The following TOP3B variants were observed in gnomAD, a reference collection of about 807,000 sequenced individuals.
TOP3B encodes DNA topoisomerase 3-beta-1.
In TOP3B, 45 loss-of-function variants were observed where a neutral mutation model predicts 93.9. The ratio of observed to expected loss-of-function variants is 0.48; its 90% confidence interval spans 0.38 to 0.61. The LOEUF is 0.61. TOP3B is among the 20% of genes least tolerant of loss of function. The pLI is 0.00. For synonymous variants in TOP3B, 357 were observed against 472.6 expected (o/e 0.76, Z 3.17); for missense variants, 750 against 1,156.1 (o/e 0.65, Z 5.09).
intron 1 of TOP3B, among the ~76,000 whole-genome samples, chr22:21,979,873 G>A (rs1295310469): frequency 4.0e-5 from 6 of 150,162 alleles, no homozygotes; most frequent in East Asian, 4.0e-4. Context: ...CCCGGGAAGC[G>A]GAGCTTGCAG....
rs1255063825 is a variant in TOP3B, at chr22:21,959,959, A to C, written c.1655-223T>G. 12 of 668,490 alleles carry C rather than the reference A, an allele frequency of 1.8e-5. No homozygotes were observed. The Admixed American group carries it at 2.7e-4, about 15-fold the overall frequency. The allele number at this position is 668,490 out of a possible 1,614,324, so 41.4% of individuals were successfully genotyped here. A position where few individuals can be genotyped will look rare whatever the true frequency, so the allele number is the denominator to read the frequency against. ...CCTGGAAATGTCAGGCAGAGTGGCC[A>C]GGGATGTCCTGTGGCTAGAACCACA... On this transcript the variant is annotated intron_variant, in intron 14 of 17. Transcript: ENST00000357179.
chr22:21,974,827 G>A (rs903882972), intron 2 of TOP3B: 3 of 182,508 alleles, frequency 1.6e-5, no homozygotes, highest in Admixed American at 5.8e-5. Flanking sequence ...GTTATTCATC[G>A]TTTACTAAAA....
chr22:21,971,069 G>T lies in TOP3B; in HGVS notation c.385-663C>A, dbSNP rs980591169. The T allele has an allele frequency of 4.6e-6, 6 of 1,302,842 alleles. No homozygotes were observed. In the African/African-American group the frequency reaches 9.1e-5, roughly 20 times the overall value. The allele number at this position is 1,302,842 out of a possible 1,614,324, so 80.7% of individuals were successfully genotyped here. The stretch of plus-strand genomic sequence containing the variant: ...GAATAAGTGGCTTCATTTCTGAAGG[G>T]AGAAAGCCCCATGAGCTGCCCCCAT... On this transcript the variant is annotated intron_variant, in intron 5 of 17. Transcript: ENST00000357179. The surrounding 1 kb of genome is among the most constrained non-coding windows in gnomAD (Gnocchi z 4.6).
chr22:21,962,982 C>T (rs1287592467), intron 11 of TOP3B, 89 bp from the exon 12 acceptor site: 2 of 1,513,490 alleles, frequency 1.3e-6, no homozygotes, highest in Non-Finnish European at 9.1e-7. Flanking sequence ...GCAGCAAGCT[C>T]CTGCTTACAG....
chr22:21,958,308 G>A lies in TOP3B; in HGVS notation c.2107+184C>T, dbSNP rs1426933139. The A allele has an allele frequency of 2.8e-6, 4 of 1,443,796 alleles. No individual in the cohort carries two copies. In the East Asian group the frequency reaches 7.7e-5, roughly 28 times the overall value. The allele number at this position is 1,443,796 out of a possible 1,614,324, so 89.4% of individuals were successfully genotyped here. A position where few individuals can be genotyped will look rare whatever the true frequency, so the allele number is the denominator to read the frequency against. On this transcript the variant is annotated intron_variant, in intron 17 of 17. Transcript: ENST00000357179. ...CTCGATTCTGACACAGAGAGAGGGT[G>A]GCACCACTGGCTGAGGCCTAAGCAG... is the stretch of plus-strand genomic sequence containing the variant.
At position 21,970,258 on chromosome 22, in the gene TOP3B, A is replaced by AG; in HGVS notation, c.532_533insC (p.Val178AlafsTer21). The AG allele has an allele frequency of 1.2e-6, 2 of 1,613,858 alleles. No individual in the cohort carries two copies. Among genetic ancestry groups the AG allele is most frequent in the Non-Finnish European group, 8.5e-7 (1 of 1,180,022 alleles). On this transcript the variant is annotated frameshift_variant, in exon 6 of 18. Transcript: ENST00000357179. LOFTEE classifies it high-confidence loss of function. This position sits in a 1 kb window ranked among gnomAD's most constrained non-coding sequence, Gnocchi z 4.4. ...CAGGTCCAGCTCCTGGCGAGCATCC[A>AG]CTGAGAGCGCCTCGTTGTGGTCAGG... is the stretch of plus-strand genomic sequence containing the variant.
chr22:21,974,144 C>A lies in TOP3B; in HGVS notation c.202+213G>T, dbSNP rs555740589. Reference sequence around the variant, plus strand: ...CAGGGAATGCAGCGACTAAGGGGTGCCGCTATGATGGGGACCCAGGGCTGA... The same window carrying A: ...CAGGGAATGCAGCGACTAAGGGGTGACGCTATGATGGGGACCCAGGGCTGA... On this transcript the variant is annotated intron_variant, in intron 3 of 17. Transcript: ENST00000357179. 1.4e-5 allele frequency: 7 copies of A among 488,358 alleles called. No homozygotes were observed. In the Admixed American group the frequency reaches 2.2e-4, roughly 15 times the overall value. The allele number at this position is 488,358 out of a possible 1,614,324, so 30.3% of individuals were successfully genotyped here.
rs1046391621 is a variant in TOP3B, at chr22:21,970,098, G to A, written c.581+112C>T. 2.5e-6 allele frequency: 3 copies of A among 1,212,976 alleles called. No homozygotes were observed. The highest frequency in any genetic ancestry group is 3.4e-6 in the Non-Finnish European group (3 of 871,114). The allele number at this position is 1,212,976 out of a possible 1,614,324, so 75.1% of individuals were successfully genotyped here. A position where few individuals can be genotyped will look rare whatever the true frequency, so the allele number is the denominator to read the frequency against. ...TTCAGGGTTGGTGAAATCCCCTGTT[G>A]CTCATCCTGGCTCGAGGAGGCCTAG... On this transcript the variant is annotated intron_variant, in intron 6 of 17. Transcript: ENST00000357179. This position sits in a 1 kb window ranked among gnomAD's most constrained non-coding sequence, Gnocchi z 4.4.
intron 14 of TOP3B, chr22:21,959,971 T>A: frequency 1.6e-6 from 1 of 644,990 alleles, no homozygotes; most frequent in Non-Finnish European, 2.6e-6. Context: ...GGATGTCCTG[T>A]GGCTAGAACC....
intron 16 of TOP3B, 23 bp downstream of exon 16, chr22:21,959,109 G>T: frequency 6.2e-7 from 1 of 1,612,584 alleles, no homozygotes; most frequent in South Asian, 1.1e-5. Context: ...CAGCTTGCCT[G>T]AGCTAGTGTT....
chr22:21,974,371 G>T lies in TOP3B; in HGVS notation c.188C>A (p.Thr63Asn). 6.2e-7 allele frequency: 1 copy of T among 1,614,082 alleles called. No individual in the cohort carries two copies. The highest frequency in any genetic ancestry group is 8.5e-7 in the Non-Finnish European group (1 of 1,179,952). The change falls in exon 3 of 18, where the codon ACC becomes AAC. Residue 63 changes from threonine (T) to asparagine (N), a missense_variant. Thr to Asn is a moderately conservative substitution (Grantham distance 65). Coordinates refer to ENST00000357179, the MANE Select transcript of TOP3B (RefSeq NM_001282112.2). ...KMTSVCGHVM[T>N]LDFLGKYNKW... is the part of the protein sequence containing the mutation. ...GAGGGGCTTACCCAGGAAATCCAGG[G>T]TCATCACGTGACCACAGACAGACGT...
At chr22:21,972,884 C>A in intron 3 of TOP3B, 166 bp from the exon 4 acceptor site, 1 of 643,934 alleles carries the variant, frequency 1.6e-6, no homozygotes, top group Non-Finnish European at 2.7e-6. Context: ...GATGTGGGTT[C>A]AGGCCTTTGG....
In TOP3B at chr22:21,964,209, C is replaced by G; in HGVS notation, c.1050G>C (p.Leu350=). 1 of 1,614,190 alleles carries G rather than the reference C, an allele frequency of 6.2e-7. No individual in the cohort carries two copies. Among genetic ancestry groups the G allele is most frequent in the South Asian group, 1.1e-5 (1 of 91,082 alleles). Residue 350 remains leucine, a synonymous_variant, in exon 10 of 18, where the codon CTG becomes CTC. Transcript: ENST00000357179. ...TGGCCTGCTGCCGCAGAGAGCCCTT[C>G]AGGTCAAAGTTCTCAGGGTAGTGGG... ...ETTHYPENFD[L]KGSLRQQANH...
intron 1 of TOP3B, chr22:21,982,509 T>C (rs2084654731): frequency 6.6e-6 from 1 of 152,302 alleles, no homozygotes; most frequent in Admixed American, 6.5e-5. Context: ...TGCAGGCACA[T>C]GGCGGGCCCA....
chr22:21,961,997 G>C (rs528818568), intron 13 of TOP3B: 1 of 705,762 alleles, frequency 1.4e-6, no homozygotes, highest in African/African-American at 1.9e-5. Context: ...CCTGTGCCTG[G>C]GACAGGCATT....
chr22:21,972,171 T>G, intron 4 of TOP3B: 2 of 545,072 alleles, frequency 3.7e-6, no homozygotes, highest in East Asian at 6.1e-5. Context: ...AAAAAAAAAG[T>G]ATAAATGCAA....
chr22:21,968,012 C>T (rs1331378523), intron 7 of TOP3B: 1 of 381,548 alleles, frequency 2.6e-6, no homozygotes, highest in Non-Finnish European at 4.9e-6. Context: ...CTGCCTATCC[C>T]CAGTGCCTGG....
Position 21,958,614 on chromosome 22 carries a change from T to C in TOP3B, c.1985A>G (p.Lys662Arg), listed in dbSNP as rs781003629. ...GTCATCCAGAGGGCAGCGGAGCTCC[T>C]TGTAGAGCTTGATGGTGCCGTTCTG... ...LPQNGTIKLY[K>R]ELRCPLDDFE... Residue 662 changes from lysine (K) to arginine (R), a missense_variant, in exon 17 of 18, where the codon AAG becomes AGG. Lys to Arg is a conservative substitution (Grantham distance 26, BLOSUM62 2). Transcript: ENST00000357179. 3.9e-5 allele frequency: 63 copies of C among 1,613,912 alleles called. No homozygotes were observed. Among genetic ancestry groups the C allele is most frequent in the Non-Finnish European group, 5.3e-5 (63 of 1,179,974 alleles).
chr22:21,958,021 A>G (rs1810380058), intron 17 of TOP3B: 1 of 1,324,062 alleles, frequency 7.6e-7, no homozygotes, highest in Non-Finnish European at 9.9e-7. Context: ...AGCTTTCTGC[A>G]GAGCACACGG....
Sources: allele counts gnomAD v4.1 joint callset (sites outside exome capture counted in the v4.1 genomes callset), GRCh38; gene constraint gnomAD v4.1.1; non-coding constraint Gnocchi (gnomAD v3.1); transcripts MANE v1.5; gene names NCBI Gene and HGNC (gene_info 2026-07-23, HGNC 2026-07-21).